The following NUDT5 variants were observed in gnomAD, a reference collection of about 807,000 sequenced individuals.
NUDT5 encodes the protein ADP-sugar pyrophosphatase.
Under a neutral mutation model 34.1 loss-of-function variants are expected in NUDT5, and 21 were observed. The observed-to-expected ratio is 0.62, with a 90% CI of 0.44 to 0.89. The LOEUF (loss-of-function observed/expected upper bound fraction) is 0.89. NUDT5 is among the 40% of genes least tolerant of loss of function. The pLI is 0.00. For synonymous variants in NUDT5, 85 were observed against 97.6 expected, an observed-to-expected ratio of 0.87 and a Z score of 0.76; for missense variants, 249 against 274.8, an observed-to-expected ratio of 0.91 and a Z score of 0.66.
intron 4 of NUDT5, among the ~76,000 whole-genome samples, chr10:12,178,439 C>A (rs990188224): frequency 6.6e-5 from 10 of 152,214 alleles, no homozygotes; most frequent in African/African-American, 2.4e-4. Context: ...ACACAAAGCA[C>A]CCAGGAGGGT....
intron 1 of NUDT5, among the ~76,000 whole-genome samples, chr10:12,188,949 A>G (rs1835175568): frequency 6.6e-6 from 1 of 152,180 alleles, no homozygotes; most frequent in Admixed American, 6.5e-5. Context: ...GGCCTGTTTA[A>G]TTTGGTGACT....
rs985805942 is a variant in NUDT5, at chr10:12,170,036, A to G, written c.550+681T>C. ...AGGTGCTCCTTGAAGGGCCCATGGTATGTCTCCATACAGTATCTCCTCGTC... is the reference window on the plus strand; with the variant it reads ...AGGTGCTCCTTGAAGGGCCCATGGTGTGTCTCCATACAGTATCTCCTCGTC... On this transcript the variant is annotated intron_variant, in intron 9 of 9. Transcript: ENST00000491614. This position sits in a 1 kb window ranked among gnomAD's most constrained non-coding sequence, Gnocchi z 4.9. 7.0e-6 allele frequency: 10 copies of G among 1,427,680 alleles called. No individual in the cohort carries two copies. The Admixed American group carries it at 1.4e-4, about 19-fold the overall frequency. The allele number at this position is 1,427,680 out of a possible 1,614,324, so 88.4% of individuals were successfully genotyped here.
intron 1 of NUDT5, among the ~76,000 whole-genome samples, chr10:12,191,330 C>T (rs1212213993): frequency 6.6e-6 from 1 of 151,964 alleles, no homozygotes. Context: ...TTGCAGTGAG[C>T]CAAGATTGCG....
At chr10:12,183,104 C>CA (rs776978182) in intron 3 of NUDT5, among the ~76,000 whole-genome samples, 24 of 152,216 alleles carry the variant, frequency 1.6e-4, no homozygotes, top group Non-Finnish European at 2.6e-4. Flanking sequence ...ATTTGACAGG[C>CA]AAAAGAGAAC....
In NUDT5 at chr10:12,177,760, C is replaced by T. The variant is rs761537867; in HGVS notation, c.289+33G>A. 7 of 1,483,578 alleles carry T rather than the reference C, an allele frequency of 4.7e-6. 1 individual carries two copies. The highest frequency in any genetic ancestry group is 4.7e-6 in the Non-Finnish European group (5 of 1,061,046). 91.9% of individuals were successfully genotyped at this position (1,483,578 alleles called of 1,614,324 possible). A position where few individuals can be genotyped will look rare whatever the true frequency, so the allele number is the denominator to read the frequency against. On this transcript the variant is annotated intron_variant, in intron 5 of 9. Transcript: ENST00000491614. ...GCTTTACCCTGGTTCAGGCCAACAT[C>T]CCTAAGAAGCAATTCGATGTTGAGT...
At position 12,171,043 on chromosome 10, in the gene NUDT5, A is replaced by G; in HGVS notation, c.488-135T>C. 1.1e-6 allele frequency: 1 copy of G among 888,016 alleles called. No individual in the cohort carries two copies. The allele number at this position is 888,016 out of a possible 1,614,324, so 55.0% of individuals were successfully genotyped here. ...GTTTCTGCTAACTTAATTTATATAC[A>G]TTGTCAAACTCGAGCAGTATGAAGT... On this transcript the variant is annotated intron_variant, in intron 7 of 9. Transcript: ENST00000491614. The surrounding 1 kb of genome is among the most constrained non-coding windows in gnomAD (Gnocchi z 4.2).
At chr10:12,194,758 T>C (rs186111763) in intron 1 of NUDT5, among the ~76,000 whole-genome samples, 1 of 152,330 alleles carries the variant, frequency 6.6e-6, no homozygotes, top group East Asian at 1.9e-4. Flanking sequence ...AATTTAAAAC[T>C]ACTTAGGTGA....
Position 12,165,527 on chromosome 10 carries a change from T to TA in NUDT5, c.*2174dup, listed in dbSNP as rs1834650555. Reference sequence around the variant, plus strand: ...TAATCCTAAATTATTGACAGATAGATAGATAGTGACCAACTTAAGGGTAAT... The same window carrying TA: ...TAATCCTAAATTATTGACAGATAGATAAGATAGTGACCAACTTAAGGGTAAT... On this transcript the variant is annotated 3_prime_UTR_variant, in exon 10 of 10. Transcript: ENST00000491614. 4.4e-6 allele frequency: 1 copy of TA among 228,092 alleles called. No homozygotes were observed. Among genetic ancestry groups the TA allele is most frequent in the South Asian group, 1.6e-4 (1 of 6,264 alleles). The allele number at this position is 228,092 out of a possible 1,614,324, so 14.1% of individuals were successfully genotyped here. A position where few individuals can be genotyped will look rare whatever the true frequency, so the allele number is the denominator to read the frequency against.
intron 1 of NUDT5, among the ~76,000 whole-genome samples, chr10:12,188,144 T>C (rs1835158879): frequency 6.6e-6 from 1 of 151,986 alleles, no homozygotes. Flanking sequence ...CCCACCTAAC[T>C]TCGGCTTCAA....
At position 12,172,750 on chromosome 10, in the gene NUDT5, C is replaced by A; in HGVS notation, c.487+15G>T. 1 of 1,592,066 alleles carries A rather than the reference C, an allele frequency of 6.3e-7. No homozygotes were observed. Among genetic ancestry groups the A allele is most frequent in the East Asian group, 2.2e-5 (1 of 44,780 alleles). On this transcript the variant is annotated intron_variant, in intron 7 of 9. Coordinates refer to ENST00000491614, the MANE Select transcript of NUDT5 (RefSeq NM_014142.4). The stretch of plus-strand genomic sequence containing the variant: ...TGCAACCACACCACCTTCATCACAG[C>A]CGACACACACATACCTGGCTTTGGC...
In NUDT5 at chr10:12,170,339, A is replaced by AC; in HGVS notation, c.550+377dup. ...CTTGAACATACAGCCTCCACAAAGG[A>AC]CCATCCCTCATACTAGCATACTTGA... On this transcript the variant is annotated intron_variant, in intron 9 of 9. Coordinates refer to ENST00000491614, the MANE Select transcript of NUDT5 (RefSeq NM_014142.4). The surrounding 1 kb of genome is among the most constrained non-coding windows in gnomAD (Gnocchi z 4.9). The AC allele has an allele frequency of 7.7e-6, 6 of 776,724 alleles. No homozygotes were observed. The South Asian group carries it at 1.0e-4, about 13-fold the overall frequency. The allele number at this position is 776,724 out of a possible 1,614,324, so 48.1% of individuals were successfully genotyped here. A position where few individuals can be genotyped will look rare whatever the true frequency, so the allele number is the denominator to read the frequency against.
rs1278418499 is a variant in NUDT5, at chr10:12,182,055, G to T, written c.131+2834C>A. 1.3e-5 allele frequency among the ~76,000 whole-genome samples: 2 copies of T among 151,886 alleles called. No homozygotes were observed. Among genetic ancestry groups the T allele is most frequent in the African/African-American group, 4.8e-5 (2 of 41,318 alleles). On this transcript the variant is annotated intron_variant, in intron 3 of 9. Coordinates refer to ENST00000491614, the MANE Select transcript of NUDT5 (RefSeq NM_014142.4). The surrounding 1 kb of genome is among the most constrained non-coding windows in gnomAD (Gnocchi z 4.3). ...GCTGAGATAGAATTGCTAGAACCAG[G>T]GAGGTAGAGGTTGCAGTGAGCTGAG...
In NUDT5 at chr10:12,170,280, C is replaced by G; in HGVS notation, c.550+437G>C. On this transcript the variant is annotated intron_variant, in intron 9 of 9. Coordinates refer to ENST00000491614, the MANE Select transcript of NUDT5 (RefSeq NM_014142.4). This position sits in a 1 kb window ranked among gnomAD's most constrained non-coding sequence, Gnocchi z 4.9. Reference sequence around the variant, plus strand: ...CACACGGAGTATACAGGAAATACCTCAAGTATTTGTTGAAGGAGCATCATC... The same window carrying G: ...CACACGGAGTATACAGGAAATACCTGAAGTATTTGTTGAAGGAGCATCATC... 5 of 1,273,118 alleles carry G rather than the reference C, an allele frequency of 3.9e-6. No individual in the cohort carries two copies. The highest frequency in any genetic ancestry group is 5.7e-6 in the Non-Finnish European group (5 of 882,140). The allele number at this position is 1,273,118 out of a possible 1,614,324, so 78.9% of individuals were successfully genotyped here. A position where few individuals can be genotyped will look rare whatever the true frequency, so the allele number is the denominator to read the frequency against.
chr10:12,184,840 C>G (rs765110547), intron 3 of NUDT5, 49 bp downstream of exon 3: 73 of 1,052,324 alleles, frequency 6.9e-5, no homozygotes, highest in Middle Eastern at 6.2e-4. Flanking sequence ...CAACAGATAA[C>G]CTGAGAACCC....
chr10:12,190,178 C>T (rs950391397), intron 1 of NUDT5, among the ~76,000 whole-genome samples: 22 of 152,156 alleles, frequency 1.4e-4, no homozygotes, highest in African/African-American at 3.9e-4. Flanking sequence ...CGTGAGTCAC[C>T]GCGCCAGCGA....
In NUDT5 at chr10:12,171,513, G is replaced by A. The variant is rs996836219; in HGVS notation, c.488-605C>T. ...ACACCTGGGTTGTTTCCACAGAGGC[G>A]GCCATGAACACAGGCACGCAAGTAT... On this transcript the variant is annotated intron_variant, in intron 7 of 9. Coordinates refer to ENST00000491614, the MANE Select transcript of NUDT5 (RefSeq NM_014142.4). The surrounding 1 kb of genome is among the most constrained non-coding windows in gnomAD (Gnocchi z 4.2). Among the ~76,000 whole-genome samples, 7 of 152,074 alleles carry A rather than the reference G, an allele frequency of 4.6e-5. No homozygotes were observed. Among genetic ancestry groups the A allele is most frequent in the Admixed American group, 3.9e-4 (6 of 15,264 alleles).
At position 12,187,278 on chromosome 10, in the gene NUDT5, C is replaced by T. The variant is rs1460880555; in HGVS notation, c.-41-946G>A. On this transcript the variant is annotated intron_variant, in intron 1 of 9. Coordinates refer to ENST00000491614, the MANE Select transcript of NUDT5 (RefSeq NM_014142.4). The surrounding 1 kb of genome is among the most constrained non-coding windows in gnomAD (Gnocchi z 5.4). The stretch of plus-strand genomic sequence containing the variant: ...CAGACTCCCGGGCTCAAGCGATCCT[C>T]CTCCCGCCTCGGTGTCCCAAAGTGC... 6.6e-6 allele frequency among the ~76,000 whole-genome samples: 1 copy of T among 152,146 alleles called. No homozygotes were observed. The highest frequency in any genetic ancestry group is 1.5e-5 in the Non-Finnish European group (1 of 68,024).
Position 12,170,021 on chromosome 10 carries a change from T to C in NUDT5, c.550+696A>G. 7.9e-7 allele frequency: 1 copy of C among 1,269,736 alleles called. No homozygotes were observed. Among genetic ancestry groups the C allele is most frequent in the Non-Finnish European group, 1.1e-6 (1 of 880,302 alleles). 78.7% of individuals were successfully genotyped at this position (1,269,736 alleles called of 1,614,324 possible). A position where few individuals can be genotyped will look rare whatever the true frequency, so the allele number is the denominator to read the frequency against. ...TGCCAGCCCATACAGAGGTGCTCCT[T>C]GAAGGGCCCATGGTATGTCTCCATA... On this transcript the variant is annotated intron_variant, in intron 9 of 9. Transcript: ENST00000491614. This position sits in a 1 kb window ranked among gnomAD's most constrained non-coding sequence, Gnocchi z 4.9.
chr10:12,191,130 T>G (rs2131719701), intron 1 of NUDT5, among the ~76,000 whole-genome samples: 1 of 152,062 alleles, frequency 6.6e-6, no homozygotes, highest in Admixed American at 6.6e-5. Flanking sequence ...ATGCCTATAA[T>G]CCCAGCACTT....
Sources: allele counts gnomAD v4.1 joint callset (sites outside exome capture counted in the v4.1 genomes callset), GRCh38; gene constraint gnomAD v4.1.1; non-coding constraint Gnocchi (gnomAD v3.1); transcripts MANE v1.5; gene names NCBI Gene and HGNC (gene_info 2026-07-23, HGNC 2026-07-21).